The following KCNH8 variants were observed in gnomAD, a reference collection of about 807,000 sequenced individuals.
KCNH8 encodes the protein voltage-gated delayed rectifier potassium channel KCNH8.
Under a neutral mutation model 103.6 loss-of-function variants are expected in KCNH8, and 70 were observed. The observed-to-expected ratio is 0.68, with a 90% confidence interval of 0.56 to 0.82. The LOEUF (loss-of-function observed/expected upper bound fraction) is 0.82, where lower values mean the gene tolerates loss of function less well. KCNH8 is among the 40% of genes least tolerant of loss of function. The probability of loss-of-function intolerance (pLI) is 0.00; values close to 1 mark genes in which losing one functional copy is unlikely to be tolerated. For synonymous variants in KCNH8, 498 were observed against 489.4 expected, an observed-to-expected ratio of 1.02 and a Z score of -0.23; for missense variants, 1,217 against 1,329.9, an observed-to-expected ratio of 0.92 and a Z score of 1.32.
chr3:19,325,959 T>A (rs1490380838), intron 3 of KCNH8, among the ~76,000 whole-genome samples: 1 of 152,150 alleles, frequency 6.6e-6, no homozygotes, highest in Non-Finnish European at 1.5e-5. Flanking sequence ...AATGATAGAA[T>A]GGACAAAGAA....
intron 11 of KCNH8, among the ~76,000 whole-genome samples, chr3:19,484,906 G>GTATGA (rs2068172944): frequency 6.6e-6 from 1 of 152,158 alleles, no homozygotes; most frequent in Middle Eastern, 3.2e-3. Flanking sequence ...GGAGGCCTAT[G>GTATGA]ATACAGTATT....
chr3:19,503,252 G>A (rs1455547046), intron 11 of KCNH8, among the ~76,000 whole-genome samples: 1 of 151,840 alleles, frequency 6.6e-6, no homozygotes, highest in Non-Finnish European at 1.5e-5. Flanking sequence ...CAGTTAGAAT[G>A]GCAATCATTA....
chr3:19,450,553 CCTT>C (rs2125183210), intron 9 of KCNH8: 1 of 486,374 alleles, frequency 2.1e-6, no homozygotes, highest in East Asian at 3.8e-5. Flanking sequence ...GATTTATTTT[CCTT>C]CTTATTGTCT....
At chr3:19,156,173 T>TGGGG (rs1300040414) in intron 1 of KCNH8, among the ~76,000 whole-genome samples, 1 of 152,198 alleles carries the variant, frequency 6.6e-6, no homozygotes, top group Non-Finnish European at 1.5e-5. Context: ...TCTATCATCT[T>TGGGG]GGGCATGTCT....
chr3:19,170,969 G>A (rs550521689), intron 1 of KCNH8, among the ~76,000 whole-genome samples: 2 of 151,586 alleles, frequency 1.3e-5, no homozygotes, highest in East Asian at 1.9e-4. Flanking sequence ...CCGCCACTGC[G>A]CCCGGCTAAT....
chr3:19,436,888 C>G (rs2067207507), intron 7 of KCNH8, among the ~76,000 whole-genome samples: 1 of 152,150 alleles, frequency 6.6e-6, no homozygotes, highest in African/African-American at 2.4e-5. Flanking sequence ...GGTTCGGACC[C>G]TCTTTAGCAA....
chr3:19,289,745 A>G (rs985655476), intron 3 of KCNH8, among the ~76,000 whole-genome samples: 11 of 152,102 alleles, frequency 7.2e-5, no homozygotes, highest in Non-Finnish European at 1.6e-4. Flanking sequence ...TTTTGGTTCC[A>G]TATGAATTTT....
chr3:19,446,257 T>A (rs976092373), intron 8 of KCNH8, among the ~76,000 whole-genome samples: 8 of 152,000 alleles, frequency 5.3e-5, no homozygotes, highest in Non-Finnish European at 1.2e-4. Context: ...CCCCAGTTGA[T>A]AGAGTCATCA....
intron 11 of KCNH8, among the ~76,000 whole-genome samples, chr3:19,472,771 G>A (rs1559344086): frequency 6.6e-6 from 1 of 152,134 alleles, no homozygotes; most frequent in Non-Finnish European, 1.5e-5. Flanking sequence ...TATCTCCTTT[G>A]CAGAGAGGAC....
chr3:19,518,747 C>G (rs1478113931), intron 15 of KCNH8, among the ~76,000 whole-genome samples: 1 of 151,988 alleles, frequency 6.6e-6, no homozygotes, highest in African/African-American at 2.4e-5. Flanking sequence ...AATCTCTATT[C>G]TTATGTCCAG....
At chr3:19,326,805 A>G (rs2065430325) in intron 3 of KCNH8, among the ~76,000 whole-genome samples, 1 of 152,142 alleles carries the variant, frequency 6.6e-6, no homozygotes, top group African/African-American at 2.4e-5. Context: ...AAAATTGAAA[A>G]CAAAAATAGT....
intron 1 of KCNH8, among the ~76,000 whole-genome samples, chr3:19,218,222 T>C (rs993546359): frequency 6.6e-6 from 1 of 152,212 alleles, no homozygotes; most frequent in African/African-American, 2.4e-5. Flanking sequence ...ATGAACCCTA[T>C]GAATTTAAGA....
intron 5 of KCNH8, among the ~76,000 whole-genome samples, chr3:19,374,955 G>A (rs1305275488): frequency 3.3e-5 from 5 of 151,956 alleles, no homozygotes. Context: ...CTGGCTTGTA[G>A]GGTTTCTGCC....
chr3:19,359,112 T>C (rs2065916356), intron 5 of KCNH8, among the ~76,000 whole-genome samples: 1 of 151,926 alleles, frequency 6.6e-6, no homozygotes, highest in South Asian at 2.1e-4. Flanking sequence ...CAATGGATTT[T>C]TTAAATTCAA....
Position 19,460,910 on chromosome 3 carries a change from G to A in KCNH8, c.2040+3928G>A, listed in dbSNP as rs1412837843. ...TCATTCTTCCTCTCCCTGCTGCCAT[G>A]TAAAGAAGGACGTGTTTGCTTCCCC... is the stretch of plus-strand genomic sequence containing the variant. On this transcript the variant is annotated intron_variant, in intron 11 of 15. Transcript: ENST00000328405. Among the ~76,000 whole-genome samples, 4 of 152,260 alleles carry A rather than the reference G, an allele frequency of 2.6e-5. No individual in the cohort carries two copies. In the East Asian group the frequency reaches 7.7e-4, roughly 29 times the overall value.
intron 11 of KCNH8, among the ~76,000 whole-genome samples, chr3:19,494,858 GCATT>G (rs1358002364): frequency 1.3e-5 from 2 of 151,694 alleles, no homozygotes; most frequent in African/African-American, 4.8e-5. Flanking sequence ...AACCTTGCTA[GCATT>G]TATTTTTCAA....
At chr3:19,517,429 C>G (rs754573987) in intron 14 of KCNH8, among the ~76,000 whole-genome samples, 13 of 151,860 alleles carry the variant, frequency 8.6e-5, no homozygotes, top group Non-Finnish European at 1.6e-4. Flanking sequence ...ACTCTTGTCC[C>G]TGACAGAAAT....
At chr3:19,401,126 C>T (rs868076795) in intron 7 of KCNH8, among the ~76,000 whole-genome samples, 1 of 151,952 alleles carries the variant, frequency 6.6e-6, no homozygotes, top group Non-Finnish European at 1.5e-5. Flanking sequence ...AACCAAGGAT[C>T]TCCTTTAATA....
chr3:19,237,184 T>C (rs143994243), intron 1 of KCNH8, among the ~76,000 whole-genome samples: 8 of 152,290 alleles, frequency 5.3e-5, no homozygotes, highest in Admixed American at 5.2e-4. Flanking sequence ...TCTGTAGATG[T>C]TTTTAATTGG....
Sources: gnomAD v4.1 joint callset for allele counts (sites outside exome capture counted in the v4.1 genomes callset) on GRCh38, gnomAD v4.1.1 for gene constraint, MANE v1.5 for transcripts, NCBI Gene and HGNC (gene_info 2026-07-23, HGNC 2026-07-21) for gene names.